Variants in ACBD6 observed in about 807,000 individuals in gnomAD.
ACBD6 encodes acyl-CoA-binding domain-containing protein 6.
In ACBD6, 28 loss-of-function variants were observed where a neutral mutation model predicts 37.2. That is an observed-to-expected ratio of 0.75 (90% confidence interval 0.56 to 1.03). The LOEUF (loss-of-function observed/expected upper bound fraction) is 1.03, where lower values mean the gene tolerates loss of function less well. Ranked by LOEUF, ACBD6 falls within the 50% of genes least tolerant of loss-of-function variation. ACBD6 has a pLI of 0.00. For synonymous variants in ACBD6, 113 were observed against 126.8 expected, an observed-to-expected ratio of 0.89 and a Z score of 0.73; for missense variants, 340 against 337.4, an observed-to-expected ratio of 1.01 and a Z score of -0.06.
chr1:180,437,293 C>T (rs888171268), intron 3 of ACBD6, among the ~76,000 whole-genome samples: 1 of 152,092 alleles, frequency 6.6e-6, no homozygotes, highest in African/African-American at 2.4e-5. Context: ...ATTCTGGAGA[C>T]CGGGGCTTGT....
intron 6 of ACBD6, among the ~76,000 whole-genome samples, chr1:180,318,305 A>T (rs754815473): frequency 1.3e-3 from 204 of 152,120 alleles, no homozygotes; most frequent in Non-Finnish European, 2.6e-3. Context: ...TCTCATGTTT[A>T]AAAAATTCTT....
At chr1:180,383,681 G>C (rs1055295773) in intron 6 of ACBD6, among the ~76,000 whole-genome samples, 10 of 152,104 alleles carry the variant, frequency 6.6e-5, no homozygotes, top group African/African-American at 2.2e-4. Flanking sequence ...TGTAAAATGT[G>C]TATGGAACCA....
chr1:180,500,399 A>G (rs562174331), intron 1 of ACBD6, among the ~76,000 whole-genome samples: 1 of 152,286 alleles, frequency 6.6e-6, no homozygotes, highest in Admixed American at 6.5e-5. Flanking sequence ...TAAGTCTCTT[A>G]AAGCAAATGT....
intron 2 of ACBD6, among the ~76,000 whole-genome samples, chr1:180,494,762 A>G (rs1324548803): frequency 6.6e-6 from 1 of 152,172 alleles, no homozygotes; most frequent in Non-Finnish European, 1.5e-5. Context: ...CTTCCCTTCT[A>G]TAACTAAGAT....
At chr1:180,328,608 AT>A (rs1023462842) in intron 6 of ACBD6, among the ~76,000 whole-genome samples, 45 of 152,238 alleles carry the variant, frequency 3.0e-4, no homozygotes, top group African/African-American at 1.1e-3. Context: ...TATAAATTTT[AT>A]TTAAAAAACA....
chr1:180,391,199 G>A (rs1255599234), intron 6 of ACBD6, among the ~76,000 whole-genome samples: 2 of 152,026 alleles, frequency 1.3e-5, no homozygotes, highest in East Asian at 1.9e-4. Context: ...AGACTTCAAT[G>A]TAAGAGATAA....
intron 3 of ACBD6, chr1:180,434,919 T>C: frequency 1.3e-6 from 1 of 778,636 alleles, no homozygotes. Flanking sequence ...ATTTACAAGC[T>C]CAGGCTCAGC....
intron 6 of ACBD6, among the ~76,000 whole-genome samples, chr1:180,382,279 A>C (rs1288351144): frequency 6.6e-6 from 1 of 152,076 alleles, no homozygotes; most frequent in Non-Finnish European, 1.5e-5. Context: ...GTTTTCTGAA[A>C]AGATAAACAG....
At chr1:180,495,785 G>T (rs979196098) in intron 1 of ACBD6, among the ~76,000 whole-genome samples, 1 of 151,984 alleles carries the variant, frequency 6.6e-6, no homozygotes, top group Non-Finnish European at 1.5e-5. Context: ...TGTGATAAAC[G>T]GTTGCACTTC....
At chr1:180,339,428 A>T (rs946641516) in intron 6 of ACBD6, among the ~76,000 whole-genome samples, 3 of 152,248 alleles carry the variant, frequency 2.0e-5, no homozygotes, top group African/African-American at 7.2e-5. Flanking sequence ...AACTATTGCA[A>T]GGACAAAAAA....
chr1:180,395,453 C>G (rs774476650), intron 6 of ACBD6, among the ~76,000 whole-genome samples: 2 of 152,084 alleles, frequency 1.3e-5, no homozygotes, highest in Non-Finnish European at 2.9e-5. Flanking sequence ...TATGGTAACA[C>G]CAGTGTTGTG....
rs1178592116 is a variant in ACBD6 at position 180,502,454 on chromosome 1, A to G, written c.-188T>C. The G allele has an allele frequency of 1.2e-5, 8 of 671,130 alleles. No individual in the cohort carries two copies. Among genetic ancestry groups the G allele is most frequent in the South Asian group, 1.0e-4 (6 of 58,652 alleles). The allele number at this position is 671,130 out of a possible 1,614,324, so 41.6% of individuals were successfully genotyped here. On this transcript the variant is annotated 5_prime_UTR_variant, in exon 1 of 8. Transcript: ENST00000367595. ...CCACTTCTACTCCCTGGGCGTGCAG[A>G]GCAGGCTCCTCGACCCTCTGCCGCT...
chr1:180,397,128 T>C (rs1432373806), intron 6 of ACBD6, among the ~76,000 whole-genome samples: 6 of 152,184 alleles, frequency 3.9e-5, no homozygotes, highest in Non-Finnish European at 5.9e-5. Flanking sequence ...TGAGGTATTG[T>C]TACATGTTAC....
At chr1:180,397,425 G>A (rs1199409489) in intron 6 of ACBD6, 91 bp downstream of exon 6, 2 of 1,112,164 alleles carry the variant, frequency 1.8e-6, no homozygotes, top group Non-Finnish European at 2.8e-6. Flanking sequence ...CCACTGAATT[G>A]CACATTTCAA....
intron 3 of ACBD6, among the ~76,000 whole-genome samples, chr1:180,437,205 T>A (rs1649075963): frequency 6.6e-6 from 1 of 152,202 alleles, no homozygotes; most frequent in Admixed American, 6.5e-5. Context: ...TTCCCTGAGT[T>A]CTGTAAGCCA....
chr1:180,318,945 C>CT, intron 6 of ACBD6, among the ~76,000 whole-genome samples: 1 of 152,134 alleles, frequency 6.6e-6, no homozygotes, highest in African/African-American at 2.4e-5. Context: ...AGTTGAGTTG[C>CT]TTTTTTGTAA....
chr1:180,444,904 T>C (rs1386802351), intron 3 of ACBD6, among the ~76,000 whole-genome samples: 1 of 152,216 alleles, frequency 6.6e-6, no homozygotes, highest in African/African-American at 2.4e-5. Context: ...ATTTAAAGCC[T>C]TGTGAAACTT....
At chr1:180,473,319 C>T (rs1344261577) in intron 3 of ACBD6, among the ~76,000 whole-genome samples, 2 of 150,154 alleles carry the variant, frequency 1.3e-5, no homozygotes, top group African/African-American at 2.4e-5. Context: ...TAGTGGCGGG[C>T]GCCTGTAGTC....
intron 6 of ACBD6, among the ~76,000 whole-genome samples, chr1:180,331,408 AAT>A (rs1651475059): frequency 6.6e-6 from 1 of 152,200 alleles, no homozygotes; most frequent in South Asian, 2.1e-4. Context: ...AAATGTAGTC[AAT>A]ATCCTAATAT....
Sources: gnomAD v4.1 joint callset for allele counts (sites outside exome capture counted in the v4.1 genomes callset) on GRCh38, gnomAD v4.1.1 for gene constraint, MANE v1.5 for transcripts, NCBI Gene and HGNC (gene_info 2026-07-23, HGNC 2026-07-21) for gene names.